Variants in SLC5A8 observed in about 807,000 individuals in gnomAD.
SLC5A8 encodes solute carrier family 5 member 8, also known as sodium-coupled monocarboxylate transporter 1.
A neutral mutation model predicts 71.9 loss-of-function variants in SLC5A8; 55 were observed. The observed-to-expected ratio is 0.77, with a 90% confidence interval of 0.62 to 0.96. The LOEUF is 0.96. Among genes scored for constraint, SLC5A8 ranks in the 40% least tolerant of loss-of-function variants. The probability of loss-of-function intolerance (pLI) is 0.00; values close to 1 mark genes in which losing one functional copy is unlikely to be tolerated. For missense variants in SLC5A8, 701 were observed against 745.3 expected (o/e 0.94, Z 0.69); for synonymous variants, 307 against 276.1 (o/e 1.11, Z -1.11).
intron 10 of SLC5A8, among the ~76,000 whole-genome samples, chr12:101,174,927 C>G (rs2051865261): frequency 6.6e-6 from 1 of 152,050 alleles, no homozygotes; most frequent in African/African-American, 2.4e-5. Context: ...ATTAACTTTT[C>G]ATAGAAAGAA....
At chr12:101,176,677 T>A (rs920810391) in intron 10 of SLC5A8, among the ~76,000 whole-genome samples, 4 of 151,908 alleles carry the variant, frequency 2.6e-5, no homozygotes, top group African/African-American at 9.7e-5. Flanking sequence ...GTACCATACT[T>A]CTAAATAATC....
chr12:101,209,914 C>A lies in SLC5A8; in HGVS notation c.-66G>T. The A allele has an allele frequency of 7.2e-7, 1 of 1,384,676 alleles. No individual in the cohort carries two copies. 85.8% of individuals were successfully genotyped at this position (1,384,676 alleles called of 1,614,324 possible). On this transcript the variant is annotated 5_prime_UTR_variant, in exon 1 of 15. Coordinates refer to ENST00000536262, the MANE Select transcript of SLC5A8 (RefSeq NM_145913.5). ...CCCGCGGCGCGCAGCCGGAGCCCGG[C>A]GCGCACTTCTTATCCCGGATCCCTG...
At chr12:101,181,402 CTG>C (rs1438297788) in intron 9 of SLC5A8, among the ~76,000 whole-genome samples, 2 of 152,188 alleles carry the variant, frequency 1.3e-5, no homozygotes, top group Non-Finnish European at 2.9e-5. Flanking sequence ...TATGTCCTTA[CTG>C]CATATACTTC....
intron 6 of SLC5A8, 99 bp from the exon 7 acceptor site, chr12:101,187,614 C>T (rs758439130): frequency 3.2e-6 from 4 of 1,253,252 alleles, no homozygotes; most frequent in Non-Finnish European, 4.3e-6. Flanking sequence ...CATGATTAGA[C>T]TCAATAAATG....
Position 101,180,104 on chromosome 12 carries a change from GACAACATA to G in SLC5A8, c.1166-16_1166-9del. On this transcript the variant is annotated splice_polypyrimidine_tract_variant and intron_variant, in intron 9 of 14. Transcript: ENST00000536262. ...GGGCTCCATACACCACACCTAAATG[GACAACATA>G]AAAGCCAGTGTAAAATCCACACCCA... is the stretch of plus-strand genomic sequence containing the variant. 8 of 1,613,996 alleles carry G rather than the reference GACAACATA, an allele frequency of 5.0e-6. No homozygotes were observed. The highest frequency in any genetic ancestry group is 6.8e-6 in the Non-Finnish European group (8 of 1,179,908).
rs2051675748 is a variant in SLC5A8 at position 101,157,400 on chromosome 12, T to C, written c.1712A>G (p.Lys571Arg). ...TGATTTATAGCTCAAAACATGCTTC[T>C]TCTAAAAGAAAATGTTAACATGGTG... ...FLSNFDIFKKKKHVLSYKSHP... is the reference protein window; with the variant it reads ...FLSNFDIFKKRKHVLSYKSHP... Residue 571 changes from lysine to arginine, a missense_variant and splice_region_variant, in exon 15 of 15, where the codon AAG becomes AGG. Transcript: ENST00000536262. 1 of 1,590,058 alleles carries C rather than the reference T, an allele frequency of 6.3e-7. No homozygotes were observed.
chr12:101,198,737 T>G (rs1299401325), intron 3 of SLC5A8, among the ~76,000 whole-genome samples: 5 of 151,984 alleles, frequency 3.3e-5, no homozygotes, highest in Non-Finnish European at 7.4e-5. Flanking sequence ...TTATATAAAC[T>G]ATTTCAGAAA....
At chr12:101,183,788 C>T (rs1194715547) in intron 8 of SLC5A8, among the ~76,000 whole-genome samples, 4 of 152,138 alleles carry the variant, frequency 2.6e-5, no homozygotes, top group Admixed American at 6.5e-5. Flanking sequence ...CAGTTGACCA[C>T]GCTTCAGCCC....
chr12:101,204,702 T>A (rs1869605387), intron 1 of SLC5A8, 137 bp from the exon 2 acceptor site: 1 of 629,646 alleles, frequency 1.6e-6, no homozygotes, highest in Non-Finnish European at 2.7e-6. Flanking sequence ...TTTAGTGTTA[T>A]TTTTATTTAT....
In SLC5A8 at chr12:101,192,164, T is replaced by A. The variant is rs367822969; in HGVS notation, c.692+1461A>T. 5.9e-5 allele frequency among the ~76,000 whole-genome samples: 9 copies of A among 152,306 alleles called. No homozygotes were observed. The South Asian group carries it at 1.9e-3, about 32-fold the overall frequency. ...TCTCAATTGACGATCAGTCAAAATA[T>A]CTTGTTCTGCCCTGGCCAAGGGGTG... is the stretch of plus-strand genomic sequence containing the variant. On this transcript the variant is annotated intron_variant, in intron 5 of 14. Coordinates refer to ENST00000536262, the MANE Select transcript of SLC5A8 (RefSeq NM_145913.5).
chr12:101,200,931 C>T (rs1000722624), intron 3 of SLC5A8, among the ~76,000 whole-genome samples: 1 of 152,134 alleles, frequency 6.6e-6, no homozygotes, highest in Non-Finnish European at 1.5e-5. Context: ...CTATTGCACA[C>T]TAAGTTCTGT....
At chr12:101,168,788 C>T (rs924739017) in intron 10 of SLC5A8, among the ~76,000 whole-genome samples, 8 of 152,190 alleles carry the variant, frequency 5.3e-5, no homozygotes, top group East Asian at 3.8e-4. Flanking sequence ...GTGCAAACAT[C>T]GCATGAGGCA....
intron 13 of SLC5A8, among the ~76,000 whole-genome samples, chr12:101,160,532 C>G (rs1246069733): frequency 6.6e-6 from 1 of 152,086 alleles, no homozygotes; most frequent in Non-Finnish European, 1.5e-5. Context: ...TTGAAGGAGG[C>G]AGTTGCACCC....
intron 1 of SLC5A8, among the ~76,000 whole-genome samples, chr12:101,208,145 G>C (rs7296179): frequency 0.37 from 56,188 of 151,678 alleles, 11,414 homozygotes; most frequent in East Asian, 0.58. Flanking sequence ...GGGGAATTTC[G>C]CCAGTTTGTC....
intron 10 of SLC5A8, among the ~76,000 whole-genome samples, chr12:101,172,004 A>G (rs2137131879): frequency 6.6e-6 from 1 of 152,258 alleles, no homozygotes; most frequent in South Asian, 2.1e-4. Flanking sequence ...GTGAAAATGG[A>G]ACAGAAGGAT....
intron 3 of SLC5A8, among the ~76,000 whole-genome samples, chr12:101,197,551 T>C (rs1869239386): frequency 6.6e-6 from 1 of 152,170 alleles, no homozygotes; most frequent in Admixed American, 6.5e-5. Flanking sequence ...ACAGATGTAA[T>C]TGTTAAACCT....
intron 7 of SLC5A8, among the ~76,000 whole-genome samples, chr12:101,186,740 T>C (rs1331830690): frequency 1.3e-5 from 2 of 152,190 alleles, no homozygotes; most frequent in Non-Finnish European, 2.9e-5. Context: ...GAAATTTATA[T>C]GAAGCATTAT....
At chr12:101,182,166 A>T (rs955889292) in intron 9 of SLC5A8, among the ~76,000 whole-genome samples, 6 of 152,220 alleles carry the variant, frequency 3.9e-5, no homozygotes, top group Non-Finnish European at 7.4e-5. Flanking sequence ...ACAGAACAGA[A>T]GTTGAGAATT....
intron 10 of SLC5A8, among the ~76,000 whole-genome samples, chr12:101,175,533 AC>A (rs1179441380): frequency 6.6e-6 from 1 of 152,076 alleles, no homozygotes; most frequent in Non-Finnish European, 1.5e-5. Flanking sequence ...ACGTGCCAAG[AC>A]ACATCAAAAA....
Sources: allele counts gnomAD v4.1 joint callset (sites outside exome capture counted in the v4.1 genomes callset), GRCh38; gene constraint gnomAD v4.1.1; transcripts MANE v1.5; gene names NCBI Gene and HGNC (gene_info 2026-07-23, HGNC 2026-07-21).